PTPRG: variants seen among roughly 807,000 people sequenced by gnomAD.
The protein encoded by PTPRG is receptor-type tyrosine-protein phosphatase gamma.
Under a neutral mutation model 165.3 loss-of-function variants are expected in PTPRG, and 102 were observed. That is an observed-to-expected ratio of 0.62 (90% CI 0.53 to 0.73). The LOEUF (loss-of-function observed/expected upper bound fraction) is 0.73, where lower values mean the gene tolerates loss of function less well. Ranked by LOEUF, PTPRG falls within the 30% of genes least tolerant of loss-of-function variation. The pLI, the probability that PTPRG is intolerant of heterozygous loss-of-function variation, is 0.00. For missense variants in PTPRG, 1,866 were observed against 1,861.4 expected (o/e 1.00, Z -0.05); for synonymous variants, 675 against 669.5 (o/e 1.01, Z -0.13).
At chr3:61,584,310 G>A (rs1344294226) in intron 1 of PTPRG, among the ~76,000 whole-genome samples, 1 of 152,154 alleles carries the variant, frequency 6.6e-6, no homozygotes, top group Admixed American at 6.5e-5. Flanking sequence ...TGAATGCTGA[G>A]CTGTGTGTCT....
At chr3:62,206,500 G>A (rs1700233626) in intron 12 of PTPRG, among the ~76,000 whole-genome samples, 3 of 152,266 alleles carry the variant, frequency 2.0e-5, no homozygotes, top group Non-Finnish European at 2.9e-5. Context: ...CCCCCTCACT[G>A]TCACTGACAA....
chr3:62,102,734 G>A (rs1476034462), intron 5 of PTPRG, among the ~76,000 whole-genome samples: 4 of 152,038 alleles, frequency 2.6e-5, no homozygotes, highest in South Asian at 2.1e-4. Flanking sequence ...AGAGGTCAGT[G>A]GCTACAACAC....
chr3:61,663,982 A>G (rs1702738482), intron 1 of PTPRG, among the ~76,000 whole-genome samples: 1 of 152,208 alleles, frequency 6.6e-6, no homozygotes, highest in African/African-American at 2.4e-5. Flanking sequence ...CCCCTGATTT[A>G]AAGCACTTAC....
intron 1 of PTPRG, among the ~76,000 whole-genome samples, chr3:61,669,872 C>T (rs367806836): frequency 1.3e-5 from 2 of 152,136 alleles, no homozygotes; most frequent in African/African-American, 2.4e-5. Context: ...CACGTGCTGC[C>T]TTTGAATGCA....
At position 62,222,683 on chromosome 3, in the gene PTPRG, G is replaced by C. The variant is rs1245268134; in HGVS notation, c.2288+3700G>C. On this transcript the variant is annotated intron_variant, in intron 13 of 29. Coordinates refer to ENST00000474889, the MANE Select transcript of PTPRG (RefSeq NM_002841.4). This position sits in a 1 kb window ranked among gnomAD's most constrained non-coding sequence, Gnocchi z 4.5. ...AAGGACCATCAAGACCTAAAAAAGT[G>C]AGTAGAAGGTTCAGCTAAGTATTCT... 6.6e-6 allele frequency among the ~76,000 whole-genome samples: 1 copy of C among 152,182 alleles called. No individual in the cohort carries two copies. Among genetic ancestry groups the C allele is most frequent in the Non-Finnish European group, 1.5e-5 (1 of 68,030 alleles).
At chr3:61,917,654 G>A (rs976219862) in intron 2 of PTPRG, among the ~76,000 whole-genome samples, 1 of 152,198 alleles carries the variant, frequency 6.6e-6, no homozygotes, top group Non-Finnish European at 1.5e-5. Context: ...CAAAGGCGGG[G>A]CGTGGTGGCT....
intron 3 of PTPRG, among the ~76,000 whole-genome samples, chr3:62,000,276 G>A (rs1324493922): frequency 8.3e-6 from 1 of 120,714 alleles, no homozygotes; most frequent in Non-Finnish European, 1.6e-5. Context: ...GCGAGACTCT[G>A]TCTCCAAAAA....
At position 61,658,128 on chromosome 3, in the gene PTPRG, G is replaced by A. The variant is rs572252073; in HGVS notation, c.86-90750G>A. ...TCTAGATTTGGAATTGAATCTGCAT[G>A]TACTGTTCAGGTCATTGTTCTGGCA... On this transcript the variant is annotated intron_variant, in intron 1 of 29. Coordinates refer to ENST00000474889, the MANE Select transcript of PTPRG (RefSeq NM_002841.4). 3.9e-5 allele frequency among the ~76,000 whole-genome samples: 6 copies of A among 152,320 alleles called. No individual in the cohort carries two copies. In the South Asian group the frequency reaches 1.2e-3, roughly 32 times the overall value.
intron 14 of PTPRG, among the ~76,000 whole-genome samples, chr3:62,235,636 T>G (rs1210428428): frequency 6.6e-6 from 1 of 152,248 alleles, no homozygotes; most frequent in Non-Finnish European, 1.5e-5. Flanking sequence ...CTAAAGATGT[T>G]AATTGCAGGC....
intron 6 of PTPRG, among the ~76,000 whole-genome samples, chr3:62,156,256 T>C (rs1040433759): frequency 6.6e-6 from 1 of 152,220 alleles, no homozygotes; most frequent in East Asian, 1.9e-4. Flanking sequence ...GAGTCAGAGC[T>C]GTGTGGAGTC....
Position 61,768,758 on chromosome 3 carries a change from T to C in PTPRG, c.190+19776T>C, listed in dbSNP as rs1257949421. The stretch of plus-strand genomic sequence containing the variant: ...TTAGAAAGTGAGGGAAAGAGGAAAA[T>C]AGTTGTGTGGGGGAGGGTGTGTTTG... On this transcript the variant is annotated intron_variant, in intron 2 of 29. Transcript: ENST00000474889. Among the ~76,000 whole-genome samples the C allele has an allele frequency of 3.3e-5, 5 of 151,390 alleles. No homozygotes were observed. In the East Asian group the frequency reaches 5.8e-4, roughly 18 times the overall value.
rs529292249 is a variant in PTPRG at position 62,250,156 on chromosome 3, A to G, written c.2468-4968A>G. Reference sequence around the variant, plus strand: ...TGTTTACTAAATGCCAGGCACTCTTATAAGTACTTGTGTTATCCTGATTGC... The same window carrying G: ...TGTTTACTAAATGCCAGGCACTCTTGTAAGTACTTGTGTTATCCTGATTGC... On this transcript the variant is annotated intron_variant, in intron 15 of 29. Transcript: ENST00000474889. Among the ~76,000 whole-genome samples, 11 of 152,364 alleles carry G rather than the reference A, an allele frequency of 7.2e-5. No individual in the cohort carries two copies. In the East Asian group the frequency reaches 2.1e-3, roughly 29 times the overall value.
intron 2 of PTPRG, among the ~76,000 whole-genome samples, chr3:61,792,692 CT>C (rs2034917250): frequency 4.1e-5 from 1 of 24,212 alleles, no homozygotes; most frequent in African/African-American, 3.5e-4. Flanking sequence ...TTCTTTCTTT[CT>C]TTCTTTCTTT....
intron 2 of PTPRG, among the ~76,000 whole-genome samples, chr3:61,799,665 A>T (rs1368396527): frequency 6.6e-6 from 1 of 152,232 alleles, no homozygotes; most frequent in East Asian, 1.9e-4. Flanking sequence ...TATCAAAGGT[A>T]CTTGTTTTCA....
intron 2 of PTPRG, among the ~76,000 whole-genome samples, chr3:61,809,002 C>A (rs966918061): frequency 6.7e-6 from 1 of 149,094 alleles, no homozygotes; most frequent in Non-Finnish European, 1.5e-5. Context: ...TGACCTTGAG[C>A]AGATGACTTA....
At chr3:61,855,098 A>G (rs1198369308) in intron 2 of PTPRG, among the ~76,000 whole-genome samples, 1 of 152,176 alleles carries the variant, frequency 6.6e-6, no homozygotes, top group Non-Finnish European at 1.5e-5. Context: ...TTTGACAACA[A>G]GCCTTTCCCT....
chr3:61,567,792 T>C (rs944163902), intron 1 of PTPRG, among the ~76,000 whole-genome samples: 2 of 151,730 alleles, frequency 1.3e-5, no homozygotes, highest in Non-Finnish European at 2.9e-5. Context: ...AGACCAGCCA[T>C]GTGCAACATG....
At chr3:61,631,523 C>T (rs1467080152) in intron 1 of PTPRG, among the ~76,000 whole-genome samples, 1 of 152,146 alleles carries the variant, frequency 6.6e-6, no homozygotes, top group African/African-American at 2.4e-5. Context: ...TATAGAAAAA[C>T]CACAGTGTAT....
At chr3:62,086,278 A>ATTTTT (rs34119209) in intron 5 of PTPRG, among the ~76,000 whole-genome samples, 2 of 148,172 alleles carry the variant, frequency 1.3e-5, no homozygotes, top group African/African-American at 5.0e-5. Context: ...TATGGTTTTA[A>ATTTTT]TTTTTTTTTT....
Sources: gnomAD v4.1 joint callset for allele counts (sites outside exome capture counted in the v4.1 genomes callset) on GRCh38, gnomAD v4.1.1 for gene constraint, Gnocchi (gnomAD v3.1) non-coding constraint, MANE v1.5 for transcripts, NCBI Gene and HGNC (gene_info 2026-07-23, HGNC 2026-07-21) for gene names.